The following PBX4 variants were observed in gnomAD, a reference collection of about 807,000 sequenced individuals.
PBX4 encodes the protein pre-B-cell leukemia transcription factor 4.
PBX4 carries 26 observed loss-of-function variants against 35.1 expected under a neutral mutation model. The ratio of observed to expected loss-of-function variants is 0.74; its 90% CI spans 0.54 to 1.03. PBX4 has a LOEUF of 1.03. PBX4 is among the 50% of genes least tolerant of loss of function. The probability of loss-of-function intolerance (pLI) is 0.00; values close to 1 mark genes in which losing one functional copy is unlikely to be tolerated. For missense variants in PBX4, 448 were observed against 504.3 expected, an observed-to-expected ratio of 0.89 and a Z score of 1.07; for synonymous variants, 199 against 204.2, an observed-to-expected ratio of 0.97 and a Z score of 0.22.
chr19:19,592,558 T>C (rs2061535731), intron 2 of PBX4, among the ~76,000 whole-genome samples: 1 of 152,132 alleles, frequency 6.6e-6, no homozygotes, highest in Non-Finnish European at 1.5e-5. Context: ...GTGCATCCGG[T>C]GATGCCAGGT....
rs2061311994 is a variant in PBX4, at chr19:19,562,277, C to T, written c.1033-160G>A. ...TGGAGGAGGGAAGGGATGGAGGGGT[C>T]GGTCCTGGGTCACAGCTGGCCTTGC... is the stretch of plus-strand genomic sequence containing the variant. On this transcript the variant is annotated intron_variant, in intron 7 of 7. Coordinates refer to ENST00000251203, the MANE Select transcript of PBX4 (RefSeq NM_025245.3). This position sits in a 1 kb window ranked among gnomAD's most constrained non-coding sequence, Gnocchi z 4.8. Among the ~76,000 whole-genome samples the T allele has an allele frequency of 6.6e-6, 1 of 152,186 alleles. No homozygotes were observed. Among genetic ancestry groups the T allele is most frequent in the Non-Finnish European group, 1.5e-5 (1 of 68,038 alleles).
rs763920947 is a variant in PBX4 at position 19,564,927 on chromosome 19, A to T, written c.925+6T>A. On this transcript the variant is annotated splice_donor_region_variant and intron_variant, in intron 6 of 7. Transcript: ENST00000251203. ...AGATGACTGTCCCTGGGCCAGCCTC[A>T]CTCACCGGAGCTAGGTGTTGACAGG... is the stretch of plus-strand genomic sequence containing the variant. The T allele has an allele frequency of 3.0e-5, 49 of 1,614,126 alleles. No individual in the cohort carries two copies. The highest frequency in any genetic ancestry group is 4.2e-5 in the Non-Finnish European group (49 of 1,180,026).
intron 2 of PBX4, among the ~76,000 whole-genome samples, chr19:19,590,919 C>G (rs1295338402): frequency 1.3e-5 from 2 of 152,156 alleles, no homozygotes; most frequent in African/African-American, 2.4e-5. Context: ...GAGGCACCAG[C>G]CCTGTGTGGC....
At chr19:19,595,686 T>G (rs977626003) in intron 2 of PBX4, among the ~76,000 whole-genome samples, 2 of 140,292 alleles carry the variant, frequency 1.4e-5, no homozygotes, top group African/African-American at 5.3e-5. Context: ...GACCTGGCAC[T>G]GGGTGTTGGA....
intron 2 of PBX4, chr19:19,588,170 T>C (rs1208976645): frequency 2.4e-6 from 3 of 1,229,472 alleles, no homozygotes; most frequent in East Asian, 2.4e-5. Flanking sequence ...CAGGCAGCCA[T>C]CCCTATTCTT....
At chr19:19,568,918 C>T (rs1340168395) in intron 5 of PBX4, among the ~76,000 whole-genome samples, 5 of 152,244 alleles carry the variant, frequency 3.3e-5, no homozygotes, top group Non-Finnish European at 7.3e-5. Context: ...TCAGGAAGTC[C>T]TCAGGTCTCT....
At chr19:19,604,423 C>T (rs886412075) in intron 1 of PBX4, among the ~76,000 whole-genome samples, 4 of 144,384 alleles carry the variant, frequency 2.8e-5, no homozygotes, top group African/African-American at 1.0e-4. Context: ...GACAAGATCA[C>T]ATCACTGCAC....
chr19:19,593,024 C>T (rs2061538415), intron 2 of PBX4, among the ~76,000 whole-genome samples: 2 of 152,246 alleles, frequency 1.3e-5, no homozygotes, highest in Admixed American at 1.3e-4. Context: ...CTGTGCAGGG[C>T]TCTGGGGAAC....
chr19:19,601,342 T>G (rs2061596070), intron 1 of PBX4, among the ~76,000 whole-genome samples: 2 of 151,986 alleles, frequency 1.3e-5, no homozygotes, highest in South Asian at 2.1e-4. Context: ...CTGCTGAGTG[T>G]TAGGGGTGAG....
chr19:19,611,014 C>T (rs1470201744), intron 1 of PBX4, among the ~76,000 whole-genome samples: 1 of 152,142 alleles, frequency 6.6e-6, no homozygotes, highest in Non-Finnish European at 1.5e-5. Flanking sequence ...AATTCCACAT[C>T]ATAAATTCCC....
intron 1 of PBX4, among the ~76,000 whole-genome samples, chr19:19,616,489 G>A (rs780818649): frequency 3.3e-5 from 5 of 151,736 alleles, no homozygotes; most frequent in African/African-American, 7.3e-5. Flanking sequence ...GCTAATTTTC[G>A]TATTTTTAGT....
chr19:19,570,144 T>C lies in PBX4; in HGVS notation c.597A>G (p.Ala199=), dbSNP rs2061371963. ...QMQLKQSTCE[A]VMTLRSRLLD... is the part of the protein sequence containing the mutation. ...GCAGCCGCGAACGCAGGGTCATCAC[T>C]GCCTCACAGGTGCTCTGCTTCAACT... Residue 199 remains alanine, a synonymous_variant, in exon 4 of 8, where the codon GCA becomes GCG. Coordinates refer to ENST00000251203, the MANE Select transcript of PBX4 (RefSeq NM_025245.3). The C allele has an allele frequency of 6.2e-6, 10 of 1,612,786 alleles. No individual in the cohort carries two copies. In the East Asian group the frequency reaches 2.2e-4, roughly 36 times the overall value.
chr19:19,601,459 T>C (rs373411353), intron 1 of PBX4, among the ~76,000 whole-genome samples: 1 of 152,106 alleles, frequency 6.6e-6, no homozygotes, highest in East Asian at 1.9e-4. Flanking sequence ...GGAACTATGG[T>C]TGGCAGGATA....
chr19:19,570,966 T>TTGGTGA, intron 2 of PBX4, 133 bp from the exon 3 acceptor site: 1 of 1,193,918 alleles, frequency 8.4e-7, no homozygotes, highest in Non-Finnish European at 1.2e-6. Context: ...ATACTCCACT[T>TTGGTGA]TATCACCAAA....
intron 2 of PBX4, among the ~76,000 whole-genome samples, chr19:19,594,875 C>T (rs1246342688): frequency 1.3e-5 from 2 of 152,096 alleles, no homozygotes; most frequent in Admixed American, 6.6e-5. Context: ...GCGCATGCCA[C>T]CACGCCCAGC....
chr19:19,605,446 T>TAATAATAATAATAATAATAAC (rs777835008), intron 1 of PBX4, among the ~76,000 whole-genome samples: 31 of 100,022 alleles, frequency 3.1e-4, no homozygotes, highest in South Asian at 1.2e-3. Flanking sequence ...ATAATAATAA[T>TAATAATAATAATAATAATAAC]AACAATAATA....
At chr19:19,591,956 G>A (rs1478541984) in intron 2 of PBX4, among the ~76,000 whole-genome samples, 3 of 152,142 alleles carry the variant, frequency 2.0e-5, no homozygotes, top group Non-Finnish European at 4.4e-5. Flanking sequence ...CACATCCCAG[G>A]TTCAAGTGAT....
intron 2 of PBX4, among the ~76,000 whole-genome samples, chr19:19,589,045 T>C (rs1483469443): frequency 1.3e-5 from 2 of 151,986 alleles, no homozygotes; most frequent in African/African-American, 4.8e-5. Context: ...GGAGGATCAC[T>C]TGAGCCCGGG....
At chr19:19,573,709 C>T (rs1167112706) in intron 2 of PBX4, among the ~76,000 whole-genome samples, 1 of 151,654 alleles carries the variant, frequency 6.6e-6, no homozygotes, top group Non-Finnish European at 1.5e-5. Context: ...AAAATAAAGC[C>T]GCCAGCAACT....
Sources: allele counts gnomAD v4.1 joint callset (sites outside exome capture counted in the v4.1 genomes callset), GRCh38; gene constraint gnomAD v4.1.1; non-coding constraint Gnocchi (gnomAD v3.1); transcripts MANE v1.5; gene names NCBI Gene and HGNC (gene_info 2026-07-23, HGNC 2026-07-21).